The following OR52N1 variants were observed in gnomAD, a reference collection of about 807,000 sequenced individuals.
The protein encoded by OR52N1 is olfactory receptor family 52 subfamily N member 1.
OR52N1 carries 11 observed loss-of-function variants against 13.9 expected under a neutral mutation model. The observed-to-expected ratio is 0.79, with a 90% CI of 0.50 to 1.31. The LOEUF (loss-of-function observed/expected upper bound fraction) is 1.31, where lower values mean the gene tolerates loss of function less well. OR52N1 is among the 40% of genes most tolerant of loss of function. OR52N1 has a pLI of 0.00. For synonymous variants in OR52N1, 142 were observed against 143.7 expected, an observed-to-expected ratio of 0.99 and a Z score of 0.08; for missense variants, 414 against 397.7, an observed-to-expected ratio of 1.04 and a Z score of -0.35.
At position 5,788,339 on chromosome 11, in the gene OR52N1, G is replaced by C. The variant is rs149811568; in HGVS notation, c.478C>G (p.Pro160Ala). 4.3e-6 allele frequency: 7 copies of C among 1,613,926 alleles called. No homozygotes were observed. The Admixed American group carries it at 1.2e-4, about 27-fold the overall frequency. ...AGGCGCTTGGTGAGGAAAGTGGAAG[G>C]GATAACAAGCATCACACCCCTAAGA... ...TFLRGVMLVIPSTFLTKRLPY... is the reference protein window; with the variant it reads ...TFLRGVMLVIASTFLTKRLPY... The change falls in exon 2 of 2, where the codon CCT becomes GCT. Residue 160 changes from proline (P) to alanine (A), a missense_variant. Coordinates refer to ENST00000641645, the MANE Select transcript of OR52N1 (RefSeq NM_001001913.2).
intron 1 of OR52N1, among the ~76,000 whole-genome samples, chr11:5,789,527 T>G (rs1854633961): frequency 1.3e-5 from 2 of 152,160 alleles, no homozygotes; most frequent in South Asian, 4.1e-4. Context: ...TGCAAGAACT[T>G]ATGAGAATCC....
At position 5,788,247 on chromosome 11, in the gene OR52N1, A is replaced by G. The variant is rs10838637; in HGVS notation, c.570T>C (p.Ser190=). Residue 190 remains serine (S), a synonymous_variant, in exon 2 of 2, where the codon TCT becomes TCC. Coordinates refer to ENST00000641645, the MANE Select transcript of OR52N1 (RefSeq NM_001001913.2). ...TGGCGTTAACCCTGACATTACCACA[A>G]GATATCTTGGCCACAGACATGTGGT... The part of the protein sequence containing the change: ...YCDHMSVAKI[S]CGNVRVNAIY... 485,357 of 1,613,698 alleles carry G rather than the reference A, an allele frequency of 0.3. 74,191 individuals carry two copies. Among genetic ancestry groups the G allele is most frequent in the African/African-American group, 0.44 (33,157 of 74,940 alleles).
At position 5,788,328 on chromosome 11, in the gene OR52N1, G is replaced by C; in HGVS notation, c.489C>G (p.Phe163Leu). Residue 163 changes from phenylalanine to leucine, a missense_variant, in exon 2 of 2, where the codon TTC (phenylalanine) becomes TTG (leucine). Coordinates refer to ENST00000641645, the MANE Select transcript of OR52N1 (RefSeq NM_001001913.2). The part of the protein sequence containing the change: ...RGVMLVIPST[F>L]LTKRLPYCKG... ...TGCAGTATGGAAGGCGCTTGGTGAG[G>C]AAAGTGGAAGGGATAACAAGCATCA... is the stretch of plus-strand genomic sequence containing the variant. 4 of 1,613,998 alleles carry C rather than the reference G, an allele frequency of 2.5e-6. No homozygotes were observed. The highest frequency in any genetic ancestry group is 3.4e-6 in the Non-Finnish European group (4 of 1,179,986).
intron 1 of OR52N1, among the ~76,000 whole-genome samples, chr11:5,790,625 G>A (rs1222689716): frequency 1.3e-5 from 2 of 152,014 alleles, no homozygotes; most frequent in Non-Finnish European, 2.9e-5. Flanking sequence ...CTCAGCTACT[G>A]TAATCTGCAC....
rs1456512670 is a variant in OR52N1, at chr11:5,788,597, G to C, written c.220C>G (p.Leu74Val). ...TTGGGAAGGGTGCTGGTGCACATGA[G>C]CACATCTGTGAAGGAAAGAAGGGCA... ...FLALLSFTDV[L>V]MCTSTLPNTL... Residue 74 changes from leucine (L) to valine (V), a missense_variant, in exon 2 of 2, where the codon CTC becomes GTC. Transcript: ENST00000641645. 6.2e-7 allele frequency: 1 copy of C among 1,613,852 alleles called. No homozygotes were observed. Among genetic ancestry groups the C allele is most frequent in the Admixed American group, 1.7e-5 (1 of 59,970 alleles).
chr11:5,791,230 G>A lies in OR52N1; in HGVS notation c.-164C>T, dbSNP rs1854657189. On this transcript the variant is annotated 5_prime_UTR_variant, in exon 1 of 2. An upstream open reading frame in the 5' UTR gains an earlier in-frame stop. Coordinates refer to ENST00000641645, the MANE Select transcript of OR52N1 (RefSeq NM_001001913.2). ...AATATAATACCTACATTGAGACCTT[G>A]GGAGGCAAGTGGAGGAGGGAACATT... is the stretch of plus-strand genomic sequence containing the variant. The A allele has an allele frequency of 6.6e-6, 1 of 151,984 alleles. No homozygotes were observed. Among genetic ancestry groups the A allele is most frequent in the Non-Finnish European group, 1.5e-5 (1 of 67,928 alleles). 9.4% of individuals were successfully genotyped at this position (151,984 alleles called of 1,614,324 possible).
Position 5,787,752 on chromosome 11 carries a change from T to C in OR52N1, c.*102A>G, listed in dbSNP as rs980008421. Reference sequence around the variant, plus strand: ...AAGATGTAGAGTAATCCGAGTATCATAAAAATATTCCTGTGGCCAGATTTC... The same window carrying C: ...AAGATGTAGAGTAATCCGAGTATCACAAAAATATTCCTGTGGCCAGATTTC... On this transcript the variant is annotated 3_prime_UTR_variant, in exon 2 of 2. Transcript: ENST00000641645. 39 of 1,033,694 alleles carry C rather than the reference T, an allele frequency of 3.8e-5. 5 individuals are homozygous for C. Among genetic ancestry groups the C allele is most frequent in the Non-Finnish European group, 5.1e-5 (37 of 722,420 alleles). 64.0% of individuals were successfully genotyped at this position (1,033,694 alleles called of 1,614,324 possible).
chr11:5,788,523 G>A lies in OR52N1; in HGVS notation c.294C>T (p.Ala98=), dbSNP rs561325402. 6.2e-7 allele frequency: 1 copy of A among 1,613,978 alleles called. No homozygotes were observed. Among genetic ancestry groups the A allele is most frequent in the Non-Finnish European group, 8.5e-7 (1 of 1,179,920 alleles). ...WFNLKEIDFK[A]CLAQMFFVHT... is the part of the protein sequence containing the mutation. ...GCACAAAGAACATCTGGGCGAGGCA[G>A]GCTTTAAAATCAATCTCCTTGAGAT... Residue 98 remains alanine (A), a synonymous_variant, in exon 2 of 2, where the codon GCC becomes GCT. Coordinates refer to ENST00000641645, the MANE Select transcript of OR52N1 (RefSeq NM_001001913.2).
chr11:5,788,125 G>A lies in OR52N1; in HGVS notation c.692C>T (p.Ser231Leu), dbSNP rs1854614586. The change falls in exon 2 of 2, where the codon TCA becomes TTA. Residue 231 changes from serine (S) to leucine (L), a missense_variant. Transcript: ENST00000641645. Reference sequence around the variant, plus strand: ...GGCCTTCTGTCGAGCATCTGCTGATGATAGACTCACAACTGCTTGAAGAAT... The same window carrying A: ...GGCCTTCTGTCGAGCATCTGCTGATAATAGACTCACAACTGCTTGAAGAAT... ...TMILQAVVSLSSADARQKAFS... is the reference protein window; with the variant it reads ...TMILQAVVSLLSADARQKAFS... The A allele has an allele frequency of 1.2e-6, 2 of 1,613,918 alleles. No homozygotes were observed. The highest frequency in any genetic ancestry group is 1.7e-6 in the Non-Finnish European group (2 of 1,179,976).
chr11:5,789,977 T>C (rs1260626554), intron 1 of OR52N1, among the ~76,000 whole-genome samples: 1 of 152,056 alleles, frequency 6.6e-6, no homozygotes, highest in Non-Finnish European at 1.5e-5. Flanking sequence ...GTGGGCTATA[T>C]CAGCCGGAAT....
Position 5,788,704 on chromosome 11 carries a change from C to T in OR52N1, c.113G>A (p.Ser38Asn), listed in dbSNP as rs767735888. 14 of 1,613,712 alleles carry T rather than the reference C, an allele frequency of 8.7e-6. No homozygotes were observed. The highest frequency in any genetic ancestry group is 8.5e-7 in the Non-Finnish European group (1 of 1,179,950). ...WISFPLCTMY[S>N]IAITGNFGLM... ...GCCGAAGTTCCCTGTAATAGCAATG[C>T]TGTACATGGTACACAGTGGGAAGGA... The change falls in exon 2 of 2, where the codon AGC becomes AAC. Residue 38 changes from serine to asparagine, a missense_variant. Transcript: ENST00000641645.
rs1854598275 is a variant in OR52N1, at chr11:5,786,834, C to A, written c.*1020G>T. 7.2e-6 allele frequency: 1 copy of A among 138,736 alleles called. No individual in the cohort carries two copies. The highest frequency in any genetic ancestry group is 2.6e-5 in the African/African-American group (1 of 37,820). The allele number at this position is 138,736 out of a possible 1,614,324, so 8.6% of individuals were successfully genotyped here. ...TTTTATTATGATTTGTATAAATATG[C>A]ACATATTATTTATGCTAAAGTTAAC... On this transcript the variant is annotated 3_prime_UTR_variant, in exon 2 of 2. Transcript: ENST00000641645.
chr11:5,788,824 G>C lies in OR52N1; in HGVS notation c.-8C>G, dbSNP rs1854627235. On this transcript the variant is annotated 5_prime_UTR_variant, in exon 2 of 2. Transcript: ENST00000641645. ...GCCATTTAGAAATGACATAATGACT[G>C]TTGGAAGTTCATTGTATAGCAGTTA... The C allele has an allele frequency of 1.3e-6, 2 of 1,593,008 alleles. No homozygotes were observed. Among genetic ancestry groups the C allele is most frequent in the African/African-American group, 2.7e-5 (2 of 74,824 alleles).
chr11:5,787,576 T>C lies in OR52N1; in HGVS notation c.*278A>G. ...GTGATCCAACCACTGTGCTGCAAATTTGTGTAGACTGTCATTTAGGAGAGA... is the reference window on the plus strand; with the variant it reads ...GTGATCCAACCACTGTGCTGCAAATCTGTGTAGACTGTCATTTAGGAGAGA... On this transcript the variant is annotated 3_prime_UTR_variant, in exon 2 of 2. Transcript: ENST00000641645. The C allele has an allele frequency of 4.0e-6, 1 of 247,426 alleles. No homozygotes were observed. 15.3% of individuals were successfully genotyped at this position (247,426 alleles called of 1,614,324 possible).
intron 1 of OR52N1, among the ~76,000 whole-genome samples, chr11:5,789,422 AAAT>A (rs1026195791): frequency 4.6e-5 from 7 of 152,034 alleles, no homozygotes; most frequent in African/African-American, 9.7e-5. Flanking sequence ...AGAGGCAAAT[AAAT>A]AATAATAATA....
chr11:5,790,635 C>G (rs546509807), intron 1 of OR52N1, among the ~76,000 whole-genome samples: 1 of 152,038 alleles, frequency 6.6e-6, no homozygotes, highest in Non-Finnish European at 1.5e-5. Context: ...GTAATCTGCA[C>G]CCATCCCTTT....
intron 1 of OR52N1, among the ~76,000 whole-genome samples, chr11:5,789,125 T>G (rs542312955): frequency 1.3e-5 from 2 of 152,298 alleles, no homozygotes; most frequent in South Asian, 4.1e-4. Context: ...ACGTTGGCCA[T>G]GAACTGAACA....
rs1270967932 is a variant in OR52N1 at position 5,786,953 on chromosome 11, T to A, written c.*901A>T. On this transcript the variant is annotated 3_prime_UTR_variant, in exon 2 of 2. Coordinates refer to ENST00000641645, the MANE Select transcript of OR52N1 (RefSeq NM_001001913.2). ...AGAAATGTCTCACAGCTTAGGGAGG[T>A]GAGAGTATGTGCTCAAGACATATTA... The A allele has an allele frequency of 7.2e-6, 1 of 139,116 alleles. No homozygotes were observed. The highest frequency in any genetic ancestry group is 1.6e-5 in the Non-Finnish European group (1 of 63,094). 8.6% of individuals were successfully genotyped at this position (139,116 alleles called of 1,614,324 possible).
At position 5,788,643 on chromosome 11, in the gene OR52N1, G is replaced by C. The variant is rs1854624136; in HGVS notation, c.174C>G (p.His58Gln). 1.9e-6 allele frequency: 3 copies of C among 1,613,936 alleles called. No individual in the cohort carries two copies. The highest frequency in any genetic ancestry group is 2.7e-5 in the African/African-American group (2 of 74,918). ...GGGCAAGGAAGACATACATAGGTCT[G>C]TGTAAGGCCTCATCACAGTAGATGA... ...MYLIYCDEAL[H>Q]RPMYVFLALL... Residue 58 changes from histidine to glutamine, a missense_variant, in exon 2 of 2, where the codon CAC (histidine) becomes CAG (glutamine). Coordinates refer to ENST00000641645, the MANE Select transcript of OR52N1 (RefSeq NM_001001913.2).
Sources: allele counts gnomAD v4.1 joint callset (sites outside exome capture counted in the v4.1 genomes callset), GRCh38; gene constraint gnomAD v4.1.1; transcripts MANE v1.5; gene names NCBI Gene and HGNC (gene_info 2026-07-23, HGNC 2026-07-21).